Variants in TATDN1 observed in about 807,000 individuals in gnomAD.
TATDN1 encodes the protein TatD DNase domain containing 1.
A neutral mutation model predicts 46.4 loss-of-function variants in TATDN1; 40 were observed. That is an observed-to-expected ratio of 0.86 (90% CI 0.67 to 1.12). The LOEUF (loss-of-function observed/expected upper bound fraction) is 1.12, where lower values mean the gene tolerates loss of function less well. Ranked by LOEUF, TATDN1 falls within the 50% of genes most tolerant of loss-of-function variation. The probability of loss-of-function intolerance (pLI) is 0.00; values close to 1 mark genes in which losing one functional copy is unlikely to be tolerated. For synonymous variants in TATDN1, 95 were observed against 105.6 expected, an observed-to-expected ratio of 0.90 and a Z score of 0.62; for missense variants, 326 against 348.4, an observed-to-expected ratio of 0.94 and a Z score of 0.51.
chr8:124,513,446 T>C (rs1819202014), intron 6 of TATDN1, among the ~76,000 whole-genome samples: 1 of 152,188 alleles, frequency 6.6e-6, no homozygotes, highest in South Asian at 2.1e-4. Context: ...ATGTCCTCTC[T>C]TGGAAAAAGT....
At chr8:124,528,368 T>A (rs1193604398) in intron 1 of TATDN1, among the ~76,000 whole-genome samples, 1 of 152,064 alleles carries the variant, frequency 6.6e-6, no homozygotes, top group Non-Finnish European at 1.5e-5. Flanking sequence ...AGAGACGGGG[T>A]TTCACCATGT....
rs192335105 is a variant in TATDN1 at position 124,514,524 on chromosome 8, T to C, written c.389+1222A>G. On this transcript the variant is annotated intron_variant, in intron 6 of 11. Coordinates refer to ENST00000276692, the MANE Select transcript of TATDN1 (RefSeq NM_032026.4). ...AGGGACAGATATTCTACCTTATTCA[T>C]ATTTCTGCATACTATGAGCTCTCAG... 2.0e-5 allele frequency among the ~76,000 whole-genome samples: 3 copies of C among 152,340 alleles called. No individual in the cohort carries two copies. The East Asian group carries it at 5.8e-4, about 29-fold the overall frequency.
At chr8:124,520,138 T>C (rs1238693962) in intron 3 of TATDN1, among the ~76,000 whole-genome samples, 1 of 152,220 alleles carries the variant, frequency 6.6e-6, no homozygotes, top group Non-Finnish European at 1.5e-5. Context: ...TGACTATCTG[T>C]AAAGCAGAAG....
intron 1 of TATDN1, among the ~76,000 whole-genome samples, chr8:124,535,088 T>C (rs1396372103): frequency 2.0e-5 from 3 of 151,978 alleles, no homozygotes; most frequent in African/African-American, 7.3e-5. Flanking sequence ...TGGGAGTGGG[T>C]GGGAGGGACT....
chr8:124,523,003 C>A lies in TATDN1; in HGVS notation c.23-1G>T. The A allele has an allele frequency of 6.2e-7, 1 of 1,611,754 alleles. No homozygotes were observed. Among genetic ancestry groups the A allele is most frequent in the African/African-American group, 1.3e-5 (1 of 74,978 alleles). On this transcript the variant is annotated splice_acceptor_variant, in intron 1 of 11. Coordinates refer to ENST00000276692, the MANE Select transcript of TATDN1 (RefSeq NM_032026.4). LOFTEE classifies it high-confidence loss of function. The stretch of plus-strand genomic sequence containing the variant: ...GGGTCAGTCAAGTTGATACCAATAT[C>A]TGTAGAAAGCAAAAGTCACTGATTA...
Position 124,504,282 on chromosome 8 carries a change from T to C in TATDN1, c.582A>G (p.Gly194=). The change falls in exon 9 of 12, where the codon GGA becomes GGG. Residue 194 remains glycine, a synonymous_variant. Coordinates refer to ENST00000276692, the MANE Select transcript of TATDN1 (RefSeq NM_032026.4). ...AALIDLDLYI[G]FNGCSLKTEA... The stretch of plus-strand genomic sequence containing the variant: ...ACCTAAGAACGTACCAACCATTAAA[T>C]CCTATATAAAGATCCAAGTCAATCA... 6.2e-7 allele frequency: 1 copy of C among 1,604,416 alleles called. No homozygotes were observed. Among genetic ancestry groups the C allele is most frequent in the East Asian group, 2.2e-5 (1 of 44,714 alleles).
chr8:124,506,334 C>CA (rs56023168), intron 8 of TATDN1, among the ~76,000 whole-genome samples: 11,028 of 52,262 alleles, frequency 0.21, 1,894 homozygotes, highest in African/African-American at 0.44. Context: ...GGCTCTGTCT[C>CA]AAAAAAAAAA....
At chr8:124,534,007 G>A (rs572351085) in intron 1 of TATDN1, among the ~76,000 whole-genome samples, 4 of 151,838 alleles carry the variant, frequency 2.6e-5, no homozygotes, top group South Asian at 2.1e-4. Flanking sequence ...TTAGCCGGGC[G>A]TGGTAGTGGG....
At chr8:124,497,958 C>T (rs1817627335) in intron 9 of TATDN1, among the ~76,000 whole-genome samples, 1 of 152,152 alleles carries the variant, frequency 6.6e-6, no homozygotes, top group Admixed American at 6.5e-5. Flanking sequence ...TTAACATCAC[C>T]ATTTATTTAT....
At chr8:124,511,569 T>C (rs1199672404) in intron 6 of TATDN1, among the ~76,000 whole-genome samples, 1 of 152,120 alleles carries the variant, frequency 6.6e-6, no homozygotes, top group Non-Finnish European at 1.5e-5. Context: ...GGCCAGGAAA[T>C]TGAAAATACA....
chr8:124,526,429 T>A (rs1164858965), intron 1 of TATDN1, among the ~76,000 whole-genome samples: 1 of 152,192 alleles, frequency 6.6e-6, no homozygotes, highest in South Asian at 2.1e-4. Flanking sequence ...TGAAAACCAA[T>A]GTCTAGCCAG....
chr8:124,493,202 T>TTATA (rs1817175828), intron 11 of TATDN1, among the ~76,000 whole-genome samples: 2 of 152,236 alleles, frequency 1.3e-5, no homozygotes, highest in Non-Finnish European at 2.9e-5. Flanking sequence ...TGTGAATGTG[T>TTATA]TATAAGTATG....
At chr8:124,521,454 G>C (rs1820037432) in intron 3 of TATDN1, among the ~76,000 whole-genome samples, 1 of 152,170 alleles carries the variant, frequency 6.6e-6, no homozygotes, top group Non-Finnish European at 1.5e-5. Context: ...AGAAATTAAT[G>C]TAACTTTTAT....
At chr8:124,502,894 C>T (rs1818097884) in intron 9 of TATDN1, among the ~76,000 whole-genome samples, 1 of 152,126 alleles carries the variant, frequency 6.6e-6, no homozygotes, top group Non-Finnish European at 1.5e-5. Flanking sequence ...ATACCAGCTA[C>T]TCAGGAGGCT....
intron 8 of TATDN1, among the ~76,000 whole-genome samples, chr8:124,506,343 A>AAG: frequency 6.6e-6 from 1 of 150,434 alleles, no homozygotes; most frequent in South Asian, 2.1e-4. Flanking sequence ...TCAAAAAAAA[A>AAG]AAAAAAAAAA....
Position 124,512,629 on chromosome 8 carries a change from G to A in TATDN1, c.389+3117C>T, listed in dbSNP as rs553785000. On this transcript the variant is annotated intron_variant, in intron 6 of 11. Coordinates refer to ENST00000276692, the MANE Select transcript of TATDN1 (RefSeq NM_032026.4). The stretch of plus-strand genomic sequence containing the variant: ...TAAATATTCAACAGACATTTACTAA[G>A]TGCCTACCATGTGCTGAGAGTACTG... 2.2e-4 allele frequency among the ~76,000 whole-genome samples: 34 copies of A among 152,304 alleles called. No individual in the cohort carries two copies. The South Asian group carries it at 6.8e-3, about 31-fold the overall frequency.
intron 11 of TATDN1, chr8:124,491,651 G>C (rs1032527841): frequency 6.6e-6 from 1 of 152,230 alleles, no homozygotes; most frequent in African/African-American, 2.4e-5. Flanking sequence ...GATGGATAAA[G>C]ACAGGGACTG....
rs770947761 is a variant in TATDN1, at chr8:124,504,260, T to C, written c.593+11A>G. 1 of 1,584,282 alleles carries C rather than the reference T, an allele frequency of 6.3e-7. No homozygotes were observed. The highest frequency in any genetic ancestry group is 1.9e-5 in the Admixed American group (1 of 53,712). On this transcript the variant is annotated intron_variant, in intron 9 of 11. Coordinates refer to ENST00000276692, the MANE Select transcript of TATDN1 (RefSeq NM_032026.4). Reference sequence around the variant, plus strand: ...ATAAAAGTTAAAAACCAAAGCAACCTAAGAACGTACCAACCATTAAATCCT... The same window carrying C: ...ATAAAAGTTAAAAACCAAAGCAACCCAAGAACGTACCAACCATTAAATCCT...
intron 8 of TATDN1, among the ~76,000 whole-genome samples, chr8:124,505,257 G>A (rs1311689330): frequency 6.6e-6 from 1 of 151,416 alleles, no homozygotes; most frequent in East Asian, 2.0e-4. Flanking sequence ...GGTGGCGCAT[G>A]CTTGTAATCC....
Sources: allele counts gnomAD v4.1 joint callset (sites outside exome capture counted in the v4.1 genomes callset), GRCh38; gene constraint gnomAD v4.1.1; transcripts MANE v1.5; gene names NCBI Gene and HGNC (gene_info 2026-07-23, HGNC 2026-07-21).